The following RARB variants were observed in gnomAD, a reference collection of about 807,000 sequenced individuals.
RARB encodes HBV-activated protein.
A neutral mutation model predicts 51.9 loss-of-function variants in RARB; 17 were observed. That is an observed-to-expected ratio of 0.33 (90% CI 0.22 to 0.49). The LOEUF is 0.49. Ranked by LOEUF, RARB falls within the 20% of genes least tolerant of loss-of-function variation. The probability of loss-of-function intolerance (pLI) is 0.99; values close to 1 mark genes in which losing one functional copy is unlikely to be tolerated. For missense variants in RARB, 369 were observed against 550.8 expected (o/e 0.67, Z 3.30); for synonymous variants, 215 against 195.4 (o/e 1.10, Z -0.84).
At chr3:25,475,289 G>A (rs947745562) in intron 2 of RARB, among the ~76,000 whole-genome samples, 1 of 151,814 alleles carries the variant, frequency 6.6e-6, no homozygotes, top group Non-Finnish European at 1.5e-5. Context: ...TCTCCACTAC[G>A]TACACTATCA....
At chr3:24,848,180 C>CT (rs112255498) in intron 1 of RARB, among the ~76,000 whole-genome samples, 149 of 152,356 alleles carry the variant, frequency 9.8e-4, no homozygotes, top group African/African-American at 3.5e-3. Context: ...CCACCTCAAC[C>CT]TACCAAGTAG....
chr3:25,484,926 G>T (rs1431648824), intron 2 of RARB, among the ~76,000 whole-genome samples: 1 of 152,040 alleles, frequency 6.6e-6, no homozygotes, highest in Non-Finnish European at 1.5e-5. Flanking sequence ...ATTTTTGAAA[G>T]CTGGGAAGGT....
At chr3:25,560,753 C>T (rs561772289) in intron 3 of RARB, among the ~76,000 whole-genome samples, 2 of 152,282 alleles carry the variant, frequency 1.3e-5, no homozygotes, top group South Asian at 4.1e-4. Context: ...TCCACTGCTG[C>T]CTTAGCATTT....
intron 2 of RARB, among the ~76,000 whole-genome samples, chr3:24,922,445 T>G (rs1175683218): frequency 6.6e-6 from 1 of 152,188 alleles, no homozygotes; most frequent in Non-Finnish European, 1.5e-5. Context: ...ATCAAATCAT[T>G]TAATCCTCAC....
chr3:24,936,829 A>G (rs1575080150), intron 2 of RARB, among the ~76,000 whole-genome samples: 1 of 152,286 alleles, frequency 6.6e-6, no homozygotes, highest in Admixed American at 6.5e-5. Flanking sequence ...TCCATGATTT[A>G]TATAGTCAGA....
chr3:25,481,940 T>C (rs1696243271), intron 2 of RARB, among the ~76,000 whole-genome samples: 3 of 152,288 alleles, frequency 2.0e-5, no homozygotes, highest in African/African-American at 7.2e-5. Flanking sequence ...AATAGTACTA[T>C]CCCCATTTAA....
Position 25,593,688 on chromosome 3 carries a change from C to T in RARB, c.972C>T (p.Ala324=), listed in dbSNP as rs1299978206. ...ACACAGAAACAGGCCTTCTCAGTGC[C>T]ATCTGCTTAATCTGTGGAGGTACCA... ...MDDTETGLLS[A]ICLICGDRQD... The change falls in exon 6 of 8, where the codon GCC becomes GCT. Residue 324 remains alanine (A), a synonymous_variant. Transcript: ENST00000330688. The T allele has an allele frequency of 6.2e-6, 10 of 1,613,990 alleles. No homozygotes were observed. Among genetic ancestry groups the T allele is most frequent in the East Asian group, 2.2e-5 (1 of 44,876 alleles).
intron 2 of RARB, among the ~76,000 whole-genome samples, chr3:24,903,109 C>T (rs1371254098): frequency 6.6e-6 from 1 of 152,016 alleles, no homozygotes; most frequent in Non-Finnish European, 1.5e-5. Context: ...GTAGTAAATA[C>T]ATTTCTAATA....
intron 2 of RARB, among the ~76,000 whole-genome samples, chr3:24,977,961 G>A (rs1490496042): frequency 1.3e-5 from 2 of 152,176 alleles, no homozygotes; most frequent in African/African-American, 4.8e-5. Context: ...TTTTTAGCAT[G>A]AAGTGCTGTT....
At chr3:24,931,247 A>G (rs902341133) in intron 2 of RARB, among the ~76,000 whole-genome samples, 1 of 152,070 alleles carries the variant, frequency 6.6e-6, no homozygotes, top group Non-Finnish European at 1.5e-5. Flanking sequence ...TATGTTTTAA[A>G]TATAAGTGTA....
At chr3:25,212,965 C>G (rs749101821) in intron 5 of RARB, among the ~76,000 whole-genome samples, 8 of 152,128 alleles carry the variant, frequency 5.3e-5, no homozygotes, top group Admixed American at 5.2e-4. Context: ...CATTGCGGCA[C>G]GTAATGTTCT....
chr3:25,146,811 G>A (rs948793955), intron 4 of RARB, among the ~76,000 whole-genome samples: 2 of 152,104 alleles, frequency 1.3e-5, no homozygotes, highest in African/African-American at 4.8e-5. Flanking sequence ...GAGCCACGGC[G>A]CCCGGCATTT....
intron 1 of RARB, among the ~76,000 whole-genome samples, chr3:24,848,129 G>A (rs564549331): frequency 2.0e-5 from 3 of 152,110 alleles, no homozygotes; most frequent in East Asian, 1.9e-4. Context: ...GCACAATCTC[G>A]GCTCATTGCA....
At chr3:25,394,084 G>T (rs967079354) in intron 5 of RARB, among the ~76,000 whole-genome samples, 1 of 152,006 alleles carries the variant, frequency 6.6e-6, no homozygotes, top group East Asian at 1.9e-4. Flanking sequence ...CTGTATCACA[G>T]AGGTTTTGGT....
At chr3:24,911,420 C>T (rs1253304128) in intron 2 of RARB, among the ~76,000 whole-genome samples, 1 of 152,176 alleles carries the variant, frequency 6.6e-6, no homozygotes, top group Non-Finnish European at 1.5e-5. Flanking sequence ...AATGAGCTGA[C>T]ATCTGAAAGA....
chr3:25,405,819 G>C (rs944175969), intron 5 of RARB, among the ~76,000 whole-genome samples: 1 of 152,168 alleles, frequency 6.6e-6, no homozygotes, highest in African/African-American at 2.4e-5. Flanking sequence ...GAATAAGAAA[G>C]CACTTCTGTT....
chr3:25,301,094 C>A (rs1021862709), intron 5 of RARB, among the ~76,000 whole-genome samples: 1 of 152,162 alleles, frequency 6.6e-6, no homozygotes, highest in African/African-American at 2.4e-5. Flanking sequence ...GAGAAACATT[C>A]GGATTTATGG....
intron 2 of RARB, among the ~76,000 whole-genome samples, chr3:25,009,661 C>G (rs1326489497): frequency 6.6e-6 from 1 of 152,104 alleles, no homozygotes. Context: ...TCTGAGTCTC[C>G]AAGGAGTTCC....
intron 1 of RARB, among the ~76,000 whole-genome samples, chr3:24,838,359 A>C (rs1702370397): frequency 6.6e-6 from 1 of 152,182 alleles, no homozygotes; most frequent in Non-Finnish European, 1.5e-5. Context: ...TTCTTTTGCC[A>C]TGAAAGGTAA....
Sources: allele counts gnomAD v4.1 joint callset (sites outside exome capture counted in the v4.1 genomes callset), GRCh38; gene constraint gnomAD v4.1.1; transcripts MANE v1.5; gene names NCBI Gene and HGNC (gene_info 2026-07-23, HGNC 2026-07-21).